Variants in PPARGC1A observed in about 807,000 individuals in gnomAD.
PPARGC1A encodes PPARG coactivator 1 alpha.
Under a neutral mutation model 88.7 loss-of-function variants are expected in PPARGC1A, and 25 were observed. The ratio of observed to expected loss-of-function variants is 0.28; its 90% CI spans 0.21 to 0.39. PPARGC1A has a LOEUF of 0.39. Ranked by LOEUF, PPARGC1A falls within the 10% of genes least tolerant of loss-of-function variation. The probability of loss-of-function intolerance (pLI) is 1.00; values close to 1 mark genes in which losing one functional copy is unlikely to be tolerated. For synonymous variants in PPARGC1A, 363 were observed against 355.6 expected (o/e 1.02, Z -0.24); for missense variants, 880 against 968.7 (o/e 0.91, Z 1.22).
chr4:24,213,304 C>T, the PPARGC1A span, among the ~76,000 whole-genome samples: 16 of 151,790 alleles, frequency 1.1e-4, no homozygotes, highest in African/African-American at 3.9e-4. Flanking sequence ...GTAGCTGGGA[C>T]TACAGGCGCC....
chr4:23,811,144 A>G (rs1359423742), intron 10 of PPARGC1A, among the ~76,000 whole-genome samples: 1 of 152,168 alleles, frequency 6.6e-6, no homozygotes, highest in Non-Finnish European at 1.5e-5. Flanking sequence ...GTTACTTCTC[A>G]CTTATTTCTC....
chr4:23,996,597 G>A, the PPARGC1A span, among the ~76,000 whole-genome samples: 3 of 151,946 alleles, frequency 2.0e-5, no homozygotes, highest in Admixed American at 1.3e-4. Context: ...ACCCCACTCT[G>A]TTTCTCTTGA....
chr4:24,097,479 C>T, the PPARGC1A span, among the ~76,000 whole-genome samples: 1 of 152,092 alleles, frequency 6.6e-6, no homozygotes, highest in South Asian at 2.1e-4. Context: ...TTTTCCTAGA[C>T]ATGAATAGGG....
chr4:23,881,472 A>C (rs1020972618), intron 2 of PPARGC1A, among the ~76,000 whole-genome samples: 1 of 152,224 alleles, frequency 6.6e-6, no homozygotes, highest in Non-Finnish European at 1.5e-5. Context: ...ATCATTATTA[A>C]GTTTGTGATG....
At chr4:24,023,933 G>T in the PPARGC1A span, among the ~76,000 whole-genome samples, 1 of 152,206 alleles carries the variant, frequency 6.6e-6, no homozygotes. Flanking sequence ...CAGATGGAAA[G>T]CTTCTTTGAG....
At chr4:24,273,463 T>C in the PPARGC1A span, among the ~76,000 whole-genome samples, 1 of 152,208 alleles carries the variant, frequency 6.6e-6, no homozygotes, top group Non-Finnish European at 1.5e-5. Context: ...GACTGGGACC[T>C]TCTTATGCTA....
the PPARGC1A span, among the ~76,000 whole-genome samples, chr4:23,927,775 C>T: frequency 3.9e-5 from 6 of 152,284 alleles, no homozygotes; most frequent in East Asian, 9.6e-4. Context: ...GCCAAGGCTC[C>T]TCAATTGTAC....
chr4:24,268,511 G>A, the PPARGC1A span, among the ~76,000 whole-genome samples: 1 of 152,150 alleles, frequency 6.6e-6, no homozygotes, highest in African/African-American at 2.4e-5. Context: ...CTTATATTGG[G>A]CACAGATTTC....
chr4:24,249,152 T>G, the PPARGC1A span, among the ~76,000 whole-genome samples: 1 of 152,046 alleles, frequency 6.6e-6, no homozygotes, highest in Non-Finnish European at 1.5e-5. Context: ...CACCACAGAG[T>G]GCAGAAGCCA....
At chr4:23,910,222 A>AATATATTATATATAATATATAAAT in the PPARGC1A span, among the ~76,000 whole-genome samples, 20 of 87,858 alleles carry the variant, frequency 2.3e-4, no homozygotes, top group Admixed American at 1.9e-3. Flanking sequence ...TATAATATAT[A>AATATATTATATATAATATATAAAT]ATATATTATA....
At chr4:24,180,573 T>G in the PPARGC1A span, among the ~76,000 whole-genome samples, 3 of 152,140 alleles carry the variant, frequency 2.0e-5, no homozygotes, top group Non-Finnish European at 4.4e-5. Flanking sequence ...GTCACTTACT[T>G]TAGCAACACC....
the PPARGC1A span, among the ~76,000 whole-genome samples, chr4:24,370,405 G>A: frequency 2.0e-5 from 3 of 152,242 alleles, no homozygotes; most frequent in East Asian, 3.9e-4. Flanking sequence ...TATTTACATA[G>A]ATAGATATGA....
the PPARGC1A span, among the ~76,000 whole-genome samples, chr4:24,039,403 T>A: frequency 7.2e-5 from 11 of 152,216 alleles, no homozygotes; most frequent in Admixed American, 5.9e-4. Context: ...AATATTGGCA[T>A]AATATTCTAC....
At chr4:24,312,948 A>C in the PPARGC1A span, among the ~76,000 whole-genome samples, 6 of 152,312 alleles carry the variant, frequency 3.9e-5, no homozygotes, top group South Asian at 2.1e-4. Flanking sequence ...CAAAGTTCAG[A>C]AGCTTATTGA....
At chr4:23,840,223 G>A (rs755385203) in intron 2 of PPARGC1A, among the ~76,000 whole-genome samples, 1 of 151,864 alleles carries the variant, frequency 6.6e-6, no homozygotes, top group Admixed American at 6.6e-5. Flanking sequence ...TTTTTTGAGA[G>A]GGAGAGCGGA....
At chr4:24,197,236 C>G in the PPARGC1A span, among the ~76,000 whole-genome samples, 2 of 152,162 alleles carry the variant, frequency 1.3e-5, no homozygotes, top group African/African-American at 4.8e-5. Flanking sequence ...TGCTATTTTC[C>G]AGGGCATGAA....
the PPARGC1A span, among the ~76,000 whole-genome samples, chr4:24,146,761 A>T: frequency 6.6e-6 from 1 of 152,234 alleles, no homozygotes; most frequent in African/African-American, 2.4e-5. Flanking sequence ...TGCAACAAAC[A>T]TTAGCACCTT....
At chr4:23,895,805 G>A (rs546058538) in intron 1 of PPARGC1A, among the ~76,000 whole-genome samples, 1 of 151,868 alleles carries the variant, frequency 6.6e-6, no homozygotes, top group Non-Finnish European at 1.5e-5. Context: ...TCATCCTAAG[G>A]CAATAATAAG....
chr4:23,945,360 C>A, the PPARGC1A span, among the ~76,000 whole-genome samples: 2 of 152,034 alleles, frequency 1.3e-5, no homozygotes, highest in Non-Finnish European at 2.9e-5. Context: ...ACCCAAGCCA[C>A]ATAACCCAGA....
Sources: gnomAD v4.1 joint callset for allele counts (sites outside exome capture counted in the v4.1 genomes callset) on GRCh38, gnomAD v4.1.1 for gene constraint, MANE v1.5 for transcripts, NCBI Gene and HGNC (gene_info 2026-07-23, HGNC 2026-07-21) for gene names.